SLC1A1: variants seen among roughly 807,000 people sequenced by gnomAD.
SLC1A1 encodes solute carrier family 1 member 1, also known as excitatory amino acid transporter 3.
SLC1A1 carries 43 observed loss-of-function variants against 53.3 expected under a neutral mutation model. The observed-to-expected ratio is 0.81, with a 90% CI of 0.63 to 1.04. SLC1A1 has a LOEUF of 1.04. Ranked by LOEUF, SLC1A1 falls within the 50% of genes least tolerant of loss-of-function variation. The pLI, the probability that SLC1A1 is intolerant of heterozygous loss-of-function variation, is 0.00. For synonymous variants in SLC1A1, 307 were observed against 243.2 expected (o/e 1.26, Z -2.44); for missense variants, 748 against 664.9 (o/e 1.12, Z -1.37).
At chr9:4,519,214 A>G (rs1815977775) in intron 1 of SLC1A1, among the ~76,000 whole-genome samples, 1 of 152,234 alleles carries the variant, frequency 6.6e-6, no homozygotes, top group Admixed American at 6.5e-5. Flanking sequence ...TACCATAACT[A>G]TTTGTATAAT....
intron 10 of SLC1A1, among the ~76,000 whole-genome samples, chr9:4,580,721 A>T (rs1482913559): frequency 6.6e-6 from 1 of 150,728 alleles, no homozygotes; most frequent in East Asian, 2.0e-4. Flanking sequence ...AAAAAAAAGT[A>T]GCAGTAGTAA....
chr9:4,571,017 T>C (rs1419737910), intron 6 of SLC1A1, among the ~76,000 whole-genome samples: 1 of 152,104 alleles, frequency 6.6e-6, no homozygotes, highest in Admixed American at 6.5e-5. Context: ...AAAGAAAATG[T>C]GTACATATAT....
chr9:4,546,456 C>A (rs1184930858), intron 2 of SLC1A1, among the ~76,000 whole-genome samples: 1 of 152,090 alleles, frequency 6.6e-6, no homozygotes, highest in Non-Finnish European at 1.5e-5. Context: ...TCTGGGAACA[C>A]TGGCCCAGTA....
At chr9:4,580,601 ATG>A (rs71326118) in intron 10 of SLC1A1, among the ~76,000 whole-genome samples, 3,054 of 69,562 alleles carry the variant, frequency 0.044, 86 homozygotes, top group African/African-American at 0.081. Flanking sequence ...AAAAATATAT[ATG>A]TGTGTGTGTG....
chr9:4,523,524 T>C (rs950518813), intron 1 of SLC1A1, among the ~76,000 whole-genome samples: 1 of 152,220 alleles, frequency 6.6e-6, no homozygotes, highest in African/African-American at 2.4e-5. Flanking sequence ...CCAAAATAAA[T>C]GTCATAGACT....
Position 4,572,299 on chromosome 9 carries a change from T to G in SLC1A1, c.678T>G (p.Ile226Met), listed in dbSNP as rs746669223. 6.2e-7 allele frequency: 1 copy of G among 1,614,120 alleles called. No homozygotes were observed. The highest frequency in any genetic ancestry group is 1.7e-5 in the Admixed American group (1 of 60,028). The change falls in exon 7 of 12, where the codon ATT (isoleucine) becomes ATG (methionine). Residue 226 changes from isoleucine (I) to methionine (M), a missense_variant. Ile to Met is a conservative substitution (Grantham distance 10). Transcript: ENST00000262352. Reference sequence around the variant, plus strand: ...TTTGCCTTGTCTTTGGACTTGTCATTGGAAAAATGGGAGAAAAGGGACAAA... The same window carrying G: ...TTTGCCTTGTCTTTGGACTTGTCATGGGAAAAATGGGAGAAAAGGGACAAA... ...IVFCLVFGLV[I>M]GKMGEKGQIL...
intron 3 of SLC1A1, 70 bp downstream of exon 3, chr9:4,561,611 G>A (rs1818949580): frequency 1.0e-6 from 1 of 954,202 alleles, no homozygotes; most frequent in Non-Finnish European, 1.7e-6. Flanking sequence ...GTAGTTGGTG[G>A]CCAGATGCGG....
intron 1 of SLC1A1, among the ~76,000 whole-genome samples, chr9:4,526,220 A>C (rs981326689): frequency 2.0e-5 from 3 of 152,216 alleles, no homozygotes; most frequent in Non-Finnish European, 4.4e-5. Flanking sequence ...AAACCTTTAA[A>C]AATTAGATGG....
intron 1 of SLC1A1, among the ~76,000 whole-genome samples, chr9:4,503,602 C>G (rs576184428): frequency 1.3e-5 from 2 of 151,738 alleles, no homozygotes; most frequent in Non-Finnish European, 2.9e-5. Flanking sequence ...AAGACTGGAA[C>G]GAGCAAGTCT....
At chr9:4,509,426 G>C (rs915474496) in intron 1 of SLC1A1, among the ~76,000 whole-genome samples, 2 of 152,112 alleles carry the variant, frequency 1.3e-5, no homozygotes, top group African/African-American at 4.8e-5. Flanking sequence ...GAAGCTATTA[G>C]CTCATCTAGG....
chr9:4,537,662 G>A (rs1816729811), intron 1 of SLC1A1, among the ~76,000 whole-genome samples: 1 of 151,564 alleles, frequency 6.6e-6, no homozygotes, highest in African/African-American at 2.4e-5. Context: ...CGTGAAATAA[G>A]CCAGATACAA....
intron 1 of SLC1A1, among the ~76,000 whole-genome samples, chr9:4,494,157 C>T (rs1010571500): frequency 6.6e-6 from 1 of 152,154 alleles, no homozygotes; most frequent in African/African-American, 2.4e-5. Context: ...TTCTCTGCTT[C>T]CATAGAATGG....
chr9:4,534,141 T>G (rs191337791), intron 1 of SLC1A1, among the ~76,000 whole-genome samples: 2 of 151,876 alleles, frequency 1.3e-5, no homozygotes, highest in Non-Finnish European at 2.9e-5. Context: ...AACATCACAA[T>G]TAAAAGAACT....
chr9:4,491,681 A>T (rs1820241461), intron 1 of SLC1A1, among the ~76,000 whole-genome samples: 1 of 152,090 alleles, frequency 6.6e-6, no homozygotes, highest in Non-Finnish European at 1.5e-5. Flanking sequence ...CTTCCTTGGG[A>T]TTAGCGCCAT....
At position 4,518,210 on chromosome 9, in the gene SLC1A1, A is replaced by G. The variant is rs370968792; in HGVS notation, c.92-26357A>G. Reference sequence around the variant, plus strand: ...AGATCTCACCATTGCACTCCAGCCTAGGTGAAAGAGCGATATTCCACCTCA... The same window carrying G: ...AGATCTCACCATTGCACTCCAGCCTGGGTGAAAGAGCGATATTCCACCTCA... On this transcript the variant is annotated intron_variant, in intron 1 of 11. Coordinates refer to ENST00000262352, the MANE Select transcript of SLC1A1 (RefSeq NM_004170.6). Among the ~76,000 whole-genome samples the G allele has an allele frequency of 1.8e-3, 225 of 123,578 alleles. 1 individual carries two copies. Among genetic ancestry groups the G allele is most frequent in the African/African-American group, 6.2e-3 (211 of 34,040 alleles). 81.1% of individuals were successfully genotyped at this position (123,578 alleles called of 152,430 possible).
At chr9:4,499,050 CTTT>C (rs5896080) in intron 1 of SLC1A1, among the ~76,000 whole-genome samples, 1 of 135,052 alleles carries the variant, frequency 7.4e-6, no homozygotes, top group African/African-American at 2.8e-5. Context: ...ATATATATAT[CTTT>C]TTTTTTTTTG....
In SLC1A1 at chr9:4,490,662, A is replaced by G; in HGVS notation, c.-18A>G. On this transcript the variant is annotated 5_prime_UTR_variant, in exon 1 of 12. Coordinates refer to ENST00000262352, the MANE Select transcript of SLC1A1 (RefSeq NM_004170.6). ...ACGCGCGCACGGCCGAGCCCAGCGCACAATAGCGGCGACAGCCATGGGGAA... is the reference window on the plus strand; with the variant it reads ...ACGCGCGCACGGCCGAGCCCAGCGCGCAATAGCGGCGACAGCCATGGGGAA... The G allele has an allele frequency of 6.2e-7, 1 of 1,609,418 alleles. No individual in the cohort carries two copies. The highest frequency in any genetic ancestry group is 8.5e-7 in the Non-Finnish European group (1 of 1,176,462).
At position 4,585,675 on chromosome 9, in the gene SLC1A1, C is replaced by G. The variant is rs1821523916; in HGVS notation, c.*117C>G. On this transcript the variant is annotated 3_prime_UTR_variant, in exon 12 of 12. Transcript: ENST00000262352. ...CCAAGTGTACATTTGATTTGATATA[C>G]AGACCTCCAGATTATTTTCTATATT... The G allele has an allele frequency of 1.6e-6, 2 of 1,255,264 alleles. No individual in the cohort carries two copies. The highest frequency in any genetic ancestry group is 2.3e-6 in the Non-Finnish European group (2 of 870,706). The allele number at this position is 1,255,264 out of a possible 1,614,324, so 77.8% of individuals were successfully genotyped here.
intron 4 of SLC1A1, 61 bp downstream of exon 4, chr9:4,564,519 T>C (rs1586808953): frequency 2.2e-6 from 2 of 920,188 alleles, no homozygotes; most frequent in East Asian, 5.0e-5. Context: ...AGGCCTTGTA[T>C]GTGGTTTAAT....
Sources: gnomAD v4.1 joint callset for allele counts (sites outside exome capture counted in the v4.1 genomes callset) on GRCh38, gnomAD v4.1.1 for gene constraint, MANE v1.5 for transcripts, NCBI Gene and HGNC (gene_info 2026-07-23, HGNC 2026-07-21) for gene names.